The following DTYMK variants were observed in gnomAD, a reference collection of about 807,000 sequenced individuals.
DTYMK encodes the protein thymidylate kinase.
In DTYMK, 20 loss-of-function variants were observed where a neutral mutation model predicts 20.3. That is an observed-to-expected ratio of 0.99 (90% CI 0.69 to 1.43). The LOEUF (loss-of-function observed/expected upper bound fraction) is 1.43. Among genes scored for constraint, DTYMK ranks in the 40% most tolerant of loss-of-function variants. DTYMK has a pLI of 0.00. For synonymous variants in DTYMK, 148 were observed against 124.4 expected, an observed-to-expected ratio of 1.19 and a Z score of -1.27; for missense variants, 320 against 291.1, an observed-to-expected ratio of 1.10 and a Z score of -0.72.
rs184785301 is a variant in DTYMK, at chr2:241,683,278, T to C, written c.239+2491A>G. Reference sequence around the variant, plus strand: ...TGACAACACCAAATGCTGGTGAGGGTCTGGAGCAATAGCAACCCTTGTTCA... The same window carrying C: ...TGACAACACCAAATGCTGGTGAGGGCCTGGAGCAATAGCAACCCTTGTTCA... On this transcript the variant is annotated intron_variant, in intron 2 of 4. Transcript: ENST00000305784. 1.6e-3 allele frequency among the ~76,000 whole-genome samples: 236 copies of C among 152,246 alleles called. 1 individual carries two copies. The highest frequency in any genetic ancestry group is 5.3e-3 in the African/African-American group (219 of 41,518).
intron 2 of DTYMK, among the ~76,000 whole-genome samples, chr2:241,680,574 G>A (rs1233901251): frequency 6.6e-6 from 1 of 152,132 alleles, no homozygotes; most frequent in African/African-American, 2.4e-5. Context: ...TCGGGAGGCT[G>A]AGGCAGGAGA....
chr2:241,677,967 C>T (rs2069153945), intron 4 of DTYMK, among the ~76,000 whole-genome samples: 2 of 152,210 alleles, frequency 1.3e-5, no homozygotes, highest in African/African-American at 4.8e-5. Flanking sequence ...TTTAGCAAAA[C>T]TCATCGGGTT....
Position 241,686,755 on chromosome 2 carries a change from A to G in DTYMK, c.29T>C (p.Val10Ala), listed in dbSNP as rs2069427074. The change falls in exon 1 of 5, where the codon GTG (valine) becomes GCG (alanine). Residue 10 changes from valine (V) to alanine (A), a missense_variant. Physicochemically the swap from Val to Ala is moderately conservative, Grantham distance 64 (BLOSUM62 0). Coordinates refer to ENST00000305784, the MANE Select transcript of DTYMK (RefSeq NM_012145.4). ...CCCGGCGCGGTCCACGCCCTCCAGC[A>G]CTATGAGAGCCCCGCGCCGGGCCGC... MAARRGALI[V>A]LEGVDRAGKS... is the part of the protein sequence containing the mutation. 2 of 1,502,956 alleles carry G rather than the reference A, an allele frequency of 1.3e-6. No homozygotes were observed. The highest frequency in any genetic ancestry group is 1.8e-6 in the Non-Finnish European group (2 of 1,140,816). The allele number at this position is 1,502,956 out of a possible 1,614,324, so 93.1% of individuals were successfully genotyped here.
intron 1 of DTYMK, 139 bp from the exon 2 acceptor site, chr2:241,686,016 A>C (rs1447555501): frequency 1.9e-5 from 15 of 796,062 alleles, no homozygotes; most frequent in Non-Finnish European, 2.9e-5. Flanking sequence ...ACAGGCTTGG[A>C]TCTTCTGCGG....
chr2:241,677,204 G>A (rs1015997477), intron 4 of DTYMK, among the ~76,000 whole-genome samples: 4 of 152,204 alleles, frequency 2.6e-5, no homozygotes, highest in South Asian at 4.1e-4. Flanking sequence ...GCACTTGGAA[G>A]AATCTAACCA....
chr2:241,681,346 AAG>A (rs925926080), intron 2 of DTYMK, among the ~76,000 whole-genome samples: 2 of 152,218 alleles, frequency 1.3e-5, no homozygotes, highest in East Asian at 1.9e-4. Flanking sequence ...ATCCTCATGA[AAG>A]AGAATAAATC....
rs138310521 is a variant in DTYMK, at chr2:241,678,517, C to G, written c.463G>C (p.Ala155Pro). The stretch of plus-strand genomic sequence containing the variant: ...CACCGGAGCGCCCGCTCCTGGAAAG[C>G]CCCGTTCTCATAGCGCTCATGGCCA... ...AFGHERYENG[A>P]FQERALRCFH... Residue 155 changes from alanine (A) to proline (P), a missense_variant, in exon 4 of 5, where the codon GCT becomes CCT. Physicochemically the swap from Ala to Pro is conservative, Grantham distance 27. Coordinates refer to ENST00000305784, the MANE Select transcript of DTYMK (RefSeq NM_012145.4). 6.2e-7 allele frequency: 1 copy of G among 1,614,202 alleles called. No individual in the cohort carries two copies. Among genetic ancestry groups the G allele is most frequent in the East Asian group, 2.2e-5 (1 of 44,876 alleles).
intron 3 of DTYMK, among the ~76,000 whole-genome samples, chr2:241,679,971 CAAA>C (rs766555100): frequency 6.9e-5 from 7 of 101,978 alleles, no homozygotes; most frequent in Admixed American, 2.0e-4. Flanking sequence ...ACTGTCTCCC[CAAA>C]AAAAAAAAAA....
chr2:241,681,478 C>G (rs1280241439), intron 2 of DTYMK, among the ~76,000 whole-genome samples: 2 of 152,128 alleles, frequency 1.3e-5, no homozygotes, highest in African/African-American at 2.4e-5. Context: ...TTGCTTGAGC[C>G]CAGGAGCTCG....
rs2069421146 is a variant in DTYMK at position 241,686,662 on chromosome 2, C to A, written c.122G>T (p.Arg41Leu). The A allele has an allele frequency of 1.3e-6, 2 of 1,518,150 alleles. No homozygotes were observed. Among genetic ancestry groups the A allele is most frequent in the African/African-American group, 2.9e-5 (2 of 69,478 alleles). 94.0% of individuals were successfully genotyped at this position (1,518,150 alleles called of 1,614,324 possible). A position where few individuals can be genotyped will look rare whatever the true frequency, so the allele number is the denominator to read the frequency against. ...CCGCCGCGCGCACCCACCCGGGAAC[C>A]GGAGCAGTTCGGCGCGGTGGCCCGC... ...CAAGHRAELLRFPERSTEIGK... is the reference protein window; with the variant it reads ...CAAGHRAELLLFPERSTEIGK... The change falls in exon 1 of 5, where the codon CGG (arginine) becomes CTG (leucine). Residue 41 changes from arginine to leucine, a missense_variant. By Grantham distance (102) the Arg-to-Leu change is moderately radical. Transcript: ENST00000305784.
At chr2:241,686,390 C>A (rs946743253) in intron 1 of DTYMK, among the ~76,000 whole-genome samples, 1 of 152,212 alleles carries the variant, frequency 6.6e-6, no homozygotes, top group African/African-American at 2.4e-5. Context: ...CAGCGTGGAC[C>A]GGGCGCGGTG....
At chr2:241,686,248 CACA>C (rs1367003099) in intron 1 of DTYMK, among the ~76,000 whole-genome samples, 1 of 152,210 alleles carries the variant, frequency 6.6e-6, no homozygotes, top group Non-Finnish European at 1.5e-5. Flanking sequence ...TCAAACAAAA[CACA>C]ACACCAGAAA....
chr2:241,685,714 C>A, intron 2 of DTYMK, 55 bp downstream of exon 2: 2 of 1,551,298 alleles, frequency 1.3e-6, no homozygotes, highest in South Asian at 1.1e-5. Flanking sequence ...TTCACTGAAT[C>A]TCAGGAGGAA....
intron 2 of DTYMK, among the ~76,000 whole-genome samples, chr2:241,684,954 C>G (rs1193503101): frequency 6.6e-6 from 1 of 151,574 alleles, no homozygotes; most frequent in Non-Finnish European, 1.5e-5. Flanking sequence ...CTAAAGCTAT[C>G]TTTAAAACAT....
chr2:241,685,810 G>A lies in DTYMK; in HGVS notation c.198C>T (p.His66=). Residue 66 remains histidine, a synonymous_variant, in exon 2 of 5, where the codon CAC becomes CAT. Transcript: ENST00000305784. ...TTGCAGAAAAAAGCAGGTGCACCGAGTGATCCTCCACGTCACTTTTCTTTT... is the reference window on the plus strand; with the variant it reads ...TTGCAGAAAAAAGCAGGTGCACCGAATGATCCTCCACGTCACTTTTCTTTT... ...YLQKKSDVED[H]SVHLLFSANR... The A allele has an allele frequency of 6.2e-7, 1 of 1,614,192 alleles. No homozygotes were observed. Among genetic ancestry groups the A allele is most frequent in the East Asian group, 2.2e-5 (1 of 44,888 alleles).
At chr2:241,681,907 A>G (rs1164696005) in intron 2 of DTYMK, 2 of 187,112 alleles carry the variant, frequency 1.1e-5, no homozygotes, top group African/African-American at 4.8e-5. Context: ...AGCCAGGGAT[A>G]GTGGCACGCA....
intron 3 of DTYMK, among the ~76,000 whole-genome samples, chr2:241,679,484 C>T (rs6710226): frequency 0.054 from 8,198 of 152,238 alleles, 701 homozygotes; most frequent in African/African-American, 0.18. Context: ...AAAGTGAGGG[C>T]GTGGCCGGGC....
At position 241,685,887 on chromosome 2, in the gene DTYMK, AAG is replaced by A. The variant is rs775235055; in HGVS notation, c.131-12_131-11del. 9.3e-6 allele frequency: 15 copies of A among 1,613,524 alleles called. No individual in the cohort carries two copies. The highest frequency in any genetic ancestry group is 1.7e-4 in the Middle Eastern group (1 of 6,060). ...ATTTCAGTTGATCTTTCTAGAAAAAAAGAGAAACACACAAAATGCAAGTGAGA... is the reference window on the plus strand; with the variant it reads ...ATTTCAGTTGATCTTTCTAGAAAAAAAGAAACACACAAAATGCAAGTGAGA... On this transcript the variant is annotated splice_polypyrimidine_tract_variant and intron_variant, in intron 1 of 4. Coordinates refer to ENST00000305784, the MANE Select transcript of DTYMK (RefSeq NM_012145.4).
chr2:241,685,744 G>A (rs1359718590), intron 2 of DTYMK, 25 bp downstream of exon 2: 15 of 1,605,412 alleles, frequency 9.3e-6, no homozygotes, highest in South Asian at 7.7e-5. Flanking sequence ...CAAGGGCAGA[G>A]GGAGCAGTGT....
Sources: gnomAD v4.1 joint callset for allele counts (sites outside exome capture counted in the v4.1 genomes callset) on GRCh38, gnomAD v4.1.1 for gene constraint, MANE v1.5 for transcripts, NCBI Gene and HGNC (gene_info 2026-07-23, HGNC 2026-07-21) for gene names.